Variants in MIER2 observed in about 807,000 individuals in gnomAD.
MIER2 encodes the protein mesoderm induction early response protein 2.
In MIER2, 30 loss-of-function variants were observed where a neutral mutation model predicts 67.6. That is an observed-to-expected ratio of 0.44 (90% CI 0.33 to 0.60). MIER2 has a LOEUF of 0.60. Among genes scored for constraint, MIER2 ranks in the 20% least tolerant of loss-of-function variants. The pLI is 0.02. For missense variants in MIER2, 702 were observed against 745.1 expected, an observed-to-expected ratio of 0.94 and a Z score of 0.67; for synonymous variants, 372 against 312.6, an observed-to-expected ratio of 1.19 and a Z score of -2.00.
chr19:311,783 G>A lies in MIER2; in HGVS notation c.984+62C>T, dbSNP rs528173598. ...AGTCGGCCGTGTGCTGTGTGCCTGC[G>A]GACCCTGAGCCCCTCCCCAGATCGA... is the stretch of plus-strand genomic sequence containing the variant. On this transcript the variant is annotated intron_variant, in intron 10 of 13. Coordinates refer to ENST00000264819, the MANE Select transcript of MIER2 (RefSeq NM_017550.3). 368 of 1,534,852 alleles carry A rather than the reference G, an allele frequency of 2.4e-4. 1 individual carries two copies. In the South Asian group the frequency reaches 3.4e-3, roughly 14 times the overall value.
At chr19:334,087 A>C (rs186052821) in intron 3 of MIER2, 53 of 234,384 alleles carry the variant, frequency 2.3e-4, no homozygotes, top group African/African-American at 1.1e-3. Flanking sequence ...AGCCTCCCAA[A>C]GTGCTGGGAT....
At chr19:330,853 T>C (rs72986411) in intron 3 of MIER2, among the ~76,000 whole-genome samples, 23,226 of 152,104 alleles carry the variant, frequency 0.15, 2,314 homozygotes, top group African/African-American at 0.27. Context: ...CCTCTTGACC[T>C]GTGAGGTTCA....
chr19:320,430 T>A (rs142952162), intron 7 of MIER2, among the ~76,000 whole-genome samples: 1 of 149,356 alleles, frequency 6.7e-6, no homozygotes, highest in Non-Finnish European at 1.5e-5. Flanking sequence ...ATTTAAAAAA[T>A]AGATACGTAA....
At chr19:309,009 C>T (rs1412560961) in intron 10 of MIER2, 84 bp from the exon 11 acceptor site, 9 of 1,533,728 alleles carry the variant, frequency 5.9e-6, no homozygotes, top group South Asian at 1.2e-5. Flanking sequence ...GTCCTGGGAC[C>T]CCGGGACAGC....
Position 308,240 on chromosome 19 carries a change from C to T in MIER2, c.1198+337G>A, listed in dbSNP as rs1340342241. ...CTGTCCTTCCTGAGTGTCCTGGTGACGGGCTAAGTCCCCACCCTGGGGCAG... is the reference window on the plus strand; with the variant it reads ...CTGTCCTTCCTGAGTGTCCTGGTGATGGGCTAAGTCCCCACCCTGGGGCAG... On this transcript the variant is annotated intron_variant, in intron 12 of 13. Coordinates refer to ENST00000264819, the MANE Select transcript of MIER2 (RefSeq NM_017550.3). The surrounding 1 kb of genome is among the most constrained non-coding windows in gnomAD (Gnocchi z 9.1). Among the ~76,000 whole-genome samples the T allele has an allele frequency of 3.3e-5, 5 of 152,170 alleles. No homozygotes were observed. The highest frequency in any genetic ancestry group is 5.9e-5 in the Non-Finnish European group (4 of 68,014).
intron 7 of MIER2, among the ~76,000 whole-genome samples, chr19:317,313 G>A (rs187699989): frequency 6.6e-6 from 1 of 151,902 alleles, no homozygotes; most frequent in South Asian, 2.1e-4. Context: ...GGATCACGAG[G>A]TCAGGAGATC....
chr19:313,737 G>C, intron 7 of MIER2, 94 bp from the exon 8 acceptor site: 2 of 1,511,574 alleles, frequency 1.3e-6, no homozygotes, highest in South Asian at 2.5e-5. Flanking sequence ...GCCCCTGACA[G>C]GGAGGAGGCA....
Position 308,573 on chromosome 19 carries a change from T to C in MIER2, c.1198+4A>G. 1 of 1,596,850 alleles carries C rather than the reference T, an allele frequency of 6.3e-7. No homozygotes were observed. The highest frequency in any genetic ancestry group is 8.5e-7 in the Non-Finnish European group (1 of 1,173,716). On this transcript the variant is annotated splice_donor_region_variant and intron_variant, in intron 12 of 13. Transcript: ENST00000264819. This position sits in a 1 kb window ranked among gnomAD's most constrained non-coding sequence, Gnocchi z 9.1. Reference sequence around the variant, plus strand: ...CAGGGCAGGAGATACTCCCCAAGCCTCACCTGTGCGCATCCCAGTCAGGGT... The same window carrying C: ...CAGGGCAGGAGATACTCCCCAAGCCCCACCTGTGCGCATCCCAGTCAGGGT...
rs774754922 is a variant in MIER2, at chr19:313,559, T to C, written c.740A>G (p.Lys247Arg). 4.3e-6 allele frequency: 7 copies of C among 1,613,190 alleles called. No individual in the cohort carries two copies. The East Asian group carries it at 1.3e-4, about 31-fold the overall frequency. Reference sequence around the variant, plus strand: ...CCCGGCCATCTCGTGCCAACGCCGCTTCACCGCCCTGTACAGGAACTCCTC... The same window carrying C: ...CCCGGCCATCTCGTGCCAACGCCGCCTCACCGCCCTGTACAGGAACTCCTC... ...EVEEFLYRAV[K>R]RRWHEMAGPQ... is the part of the protein sequence containing the mutation. The change falls in exon 8 of 14, where the codon AAG becomes AGG. Residue 247 changes from lysine (K) to arginine (R), a missense_variant. This residue lies in a region of MIER2 where 128 missense variants were observed against 189.7 expected (regional missense o/e 0.67). Transcript: ENST00000264819.
chr19:332,205 T>C (rs76238006), intron 3 of MIER2, among the ~76,000 whole-genome samples: 1 of 152,036 alleles, frequency 6.6e-6, no homozygotes, highest in Non-Finnish European at 1.5e-5. Context: ...TCTTTTTTTT[T>C]CTTGAGATGG....
intron 3 of MIER2, among the ~76,000 whole-genome samples, chr19:331,314 C>A (rs1430928851): frequency 1.4e-5 from 2 of 148,004 alleles, no homozygotes; most frequent in African/African-American, 5.1e-5. Context: ...GCCCAGATTG[C>A]ACCACTGAAC....
chr19:311,995 AAGGAAGGCCCAGGCCGGGGAGAACAG>A, intron 9 of MIER2, 56 bp from the exon 10 acceptor site: 2 of 1,373,948 alleles, frequency 1.5e-6, no homozygotes, highest in South Asian at 1.5e-5. Flanking sequence ...GCCGCAGCGG[AAGGAAGGCCCAGGCCGGGGAGAACAG>A]TCAGCGGCGC....
chr19:331,360 GAA>G (rs917485905), intron 3 of MIER2, among the ~76,000 whole-genome samples: 3 of 117,930 alleles, frequency 2.5e-5, no homozygotes, highest in Admixed American at 8.9e-5. Flanking sequence ...TCTGTCCCCA[GAA>G]AAAAAAAAAA....
chr19:313,571 T>A lies in MIER2; in HGVS notation c.728A>T (p.Tyr243Phe). The A allele has an allele frequency of 6.2e-7, 1 of 1,613,428 alleles. No homozygotes were observed. The change falls in exon 8 of 14, where the codon TAC becomes TTC. Residue 243 changes from tyrosine (Y) to phenylalanine (F), a missense_variant. Physicochemically the swap from Tyr to Phe is conservative, Grantham distance 22. Coordinates refer to ENST00000264819, the MANE Select transcript of MIER2 (RefSeq NM_017550.3). ...GTGCCAACGCCGCTTCACCGCCCTGTACAGGAACTCCTCCACCTCCCTCTC... is the reference window on the plus strand; with the variant it reads ...GTGCCAACGCCGCTTCACCGCCCTGAACAGGAACTCCTCCACCTCCCTCTC... ...LPEREVEEFL[Y>F]RAVKRRWHEM...
In MIER2 at chr19:305,967, T is replaced by A. The variant is rs1422082447; in HGVS notation, c.*723A>T. On this transcript the variant is annotated 3_prime_UTR_variant, in exon 14 of 14. Coordinates refer to ENST00000264819, the MANE Select transcript of MIER2 (RefSeq NM_017550.3). ...GGGAGGACAGCAAAGGGGATGTAAA[T>A]CACCTGTCTCCTCAAACCCACGCCT... 2.0e-5 allele frequency: 3 copies of A among 152,152 alleles called. No individual in the cohort carries two copies. The highest frequency in any genetic ancestry group is 6.5e-5 in the Admixed American group (1 of 15,292). 9.4% of individuals were successfully genotyped at this position (152,152 alleles called of 1,614,324 possible).
intron 1 of MIER2, among the ~76,000 whole-genome samples, chr19:339,079 C>CAAA (rs572597641): frequency 4.0e-5 from 3 of 74,650 alleles, no homozygotes; most frequent in Admixed American, 1.4e-4. Flanking sequence ...CACAAGTGAC[C>CAAA]AAAAAAAAAA....
intron 1 of MIER2, chr19:343,924 G>C: frequency 1.0e-6 from 1 of 985,416 alleles, no homozygotes; most frequent in Non-Finnish European, 1.2e-6. Flanking sequence ...TTCCTTCCTG[G>C]TTTGACCTGA....
At chr19:313,387 G>T in intron 8 of MIER2, 105 bp downstream of exon 8, 1 of 1,515,294 alleles carries the variant, frequency 6.6e-7, no homozygotes, top group Non-Finnish European at 8.8e-7. Context: ...CCTGACCCCT[G>T]CCCTCCCCTC....
intron 7 of MIER2, among the ~76,000 whole-genome samples, chr19:316,625 G>C (rs1971248043): frequency 6.6e-6 from 1 of 152,142 alleles, no homozygotes; most frequent in African/African-American, 2.4e-5. Context: ...AAAGGCAGGG[G>C]GCAGGTAAAT....
Sources: allele counts gnomAD v4.1 joint callset (sites outside exome capture counted in the v4.1 genomes callset), GRCh38; gene constraint gnomAD v4.1.1; regional missense constraint gnomAD v4.1.1; non-coding constraint Gnocchi (gnomAD v3.1); transcripts MANE v1.5; gene names NCBI Gene and HGNC (gene_info 2026-07-23, HGNC 2026-07-21).